Variants in PLEKHA6 observed in about 807,000 individuals in gnomAD.
The protein encoded by PLEKHA6 is pleckstrin homology domain-containing family A member 6.
In PLEKHA6, 60 loss-of-function variants were observed where a neutral mutation model predicts 116.7. The observed-to-expected ratio is 0.51, with a 90% confidence interval of 0.42 to 0.64. The LOEUF (loss-of-function observed/expected upper bound fraction) is 0.64. PLEKHA6 is among the 30% of genes least tolerant of loss of function. The pLI is 0.00. For missense variants in PLEKHA6, 1,338 were observed against 1,422.7 expected, an observed-to-expected ratio of 0.94 and a Z score of 0.96; for synonymous variants, 489 against 556.1, an observed-to-expected ratio of 0.88 and a Z score of 1.70.
At chr1:204,272,335 C>T (rs1326380009) in intron 3 of PLEKHA6, among the ~76,000 whole-genome samples, 1 of 152,166 alleles carries the variant, frequency 6.6e-6, no homozygotes, top group Non-Finnish European at 1.5e-5. Flanking sequence ...ACGTGACTTA[C>T]TGGCTGTCCT....
chr1:204,290,207 T>G (rs1438890295), intron 1 of PLEKHA6, among the ~76,000 whole-genome samples: 2 of 152,200 alleles, frequency 1.3e-5, no homozygotes, highest in Non-Finnish European at 2.9e-5. Context: ...ACATGGAAAT[T>G]CAAAGGATCC....
intron 9 of PLEKHA6, among the ~76,000 whole-genome samples, chr1:204,252,467 A>C (rs1296517813): frequency 1.3e-5 from 2 of 152,028 alleles, no homozygotes; most frequent in African/African-American, 4.8e-5. Flanking sequence ...ATATCAGGGA[A>C]TGTCTTTGGC....
chr1:204,275,318 T>A (rs181924192), intron 1 of PLEKHA6, among the ~76,000 whole-genome samples: 177 of 152,324 alleles, frequency 1.2e-3, no homozygotes, highest in Admixed American at 2.9e-3. Context: ...GCTCAAAAAA[T>A]TCCATTCTTG....
At chr1:204,328,213 G>C (rs1672316844) in intron 1 of PLEKHA6, among the ~76,000 whole-genome samples, 1 of 151,132 alleles carries the variant, frequency 6.6e-6, no homozygotes, top group South Asian at 2.1e-4. Context: ...CTCCTGAGTT[G>C]CTGGGATTAC....
chr1:204,248,155 C>T (rs1006319973), intron 12 of PLEKHA6, among the ~76,000 whole-genome samples: 12 of 95,232 alleles, frequency 1.3e-4, no homozygotes, highest in South Asian at 3.5e-4. Context: ...GGGCAGCAGC[C>T]TTTTTTTTTT....
At chr1:204,225,372 A>G (rs1453959150) in intron 21 of PLEKHA6, among the ~76,000 whole-genome samples, 1 of 152,252 alleles carries the variant, frequency 6.6e-6, no homozygotes, top group Non-Finnish European at 1.5e-5. Flanking sequence ...ATCCATCAAA[A>G]TAGTTAAGAT....
intron 1 of PLEKHA6, chr1:204,313,406 C>T: frequency 5.1e-6 from 1 of 197,024 alleles, no homozygotes; most frequent in Non-Finnish European, 9.2e-6. Flanking sequence ...GGATGCCTAC[C>T]TCCAGAAACA....
intron 17 of PLEKHA6, among the ~76,000 whole-genome samples, chr1:204,234,241 C>G (rs1031514842): frequency 6.6e-6 from 1 of 152,076 alleles, no homozygotes; most frequent in African/African-American, 2.4e-5. Context: ...CATCTACAAC[C>G]CAAGGAATGC....
chr1:204,241,700 C>T lies in PLEKHA6; in HGVS notation c.2287G>A (p.Ala763Thr), dbSNP rs1343536819. ...TRQEVEAEKQAALNKVGVVPP... is the reference protein window; with the variant it reads ...TRQEVEAEKQTALNKVGVVPP... ...CAGAAAGTACCTTTGTTGAGAGCTG[C>T]CTGCTTCTCTGCCTCTACCTCTTGC... The change falls in exon 16 of 23, where the codon GCA (alanine) becomes ACA (threonine). Residue 763 changes from alanine (A) to threonine (T), a missense_variant. By Grantham distance (58) the Ala-to-Thr change is moderately conservative. Transcript: ENST00000272203. The T allele has an allele frequency of 6.2e-7, 1 of 1,601,852 alleles. No individual in the cohort carries two copies. The highest frequency in any genetic ancestry group is 1.1e-5 in the South Asian group (1 of 88,562).
chr1:204,362,260 G>A (rs1673576717), upstream of PLEKHA6, among the ~76,000 whole-genome samples: 1 of 152,196 alleles, frequency 6.6e-6, no homozygotes, highest in African/African-American at 2.4e-5. Context: ...GCCCAGAAGA[G>A]GAGAAGCAAG....
At chr1:204,359,609 C>T (rs1253976822) in intron 1 of PLEKHA6, 85 bp downstream of exon 1, 177 of 985,366 alleles carry the variant, frequency 1.8e-4, no homozygotes, top group Non-Finnish European at 2.0e-4. Context: ...CAGGCTCACG[C>T]GGCAGACAGG....
chr1:204,335,365 G>C (rs907397496), intron 1 of PLEKHA6, among the ~76,000 whole-genome samples: 19 of 152,026 alleles, frequency 1.2e-4, no homozygotes, highest in African/African-American at 4.6e-4. Context: ...AGACAGCCAG[G>C]CTGGCTCCCT....
rs60251937 is a variant in PLEKHA6 at position 204,308,687 on chromosome 1, C to CTTTTTTTTTTTT, written c.-94-33890_-94-33879dup. Among the ~76,000 whole-genome samples, 307 of 81,404 alleles carry CTTTTTTTTTTTT rather than the reference C, an allele frequency of 3.8e-3. 19 individuals carry two copies. The highest frequency in any genetic ancestry group is 0.019 in the Middle Eastern group (1 of 52). 53.4% of individuals were successfully genotyped at this position (81,404 alleles called of 152,430 possible). A position where few individuals can be genotyped will look rare whatever the true frequency, so the allele number is the denominator to read the frequency against. The stretch of plus-strand genomic sequence containing the variant: ...CAAGAAGGTAATTCTTTTTCTTTTT[C>CTTTTTTTTTTTT]TTTTTTTTTTTTTTTTTTTTTGAGA... On this transcript the variant is annotated intron_variant, in intron 1 of 22. Transcript: ENST00000272203.
At chr1:204,263,692 C>T (rs967677173) in intron 6 of PLEKHA6, among the ~76,000 whole-genome samples, 2 of 152,008 alleles carry the variant, frequency 1.3e-5, no homozygotes, top group South Asian at 4.1e-4. Flanking sequence ...GTGTCTGTGT[C>T]TCTGCACAGG....
At chr1:204,225,972 C>T (rs913041456) in intron 21 of PLEKHA6, among the ~76,000 whole-genome samples, 6 of 152,230 alleles carry the variant, frequency 3.9e-5, no homozygotes, top group African/African-American at 1.4e-4. Context: ...GATTTGTAAG[C>T]ATAACAGCAT....
chr1:204,250,814 T>C (rs1383663424), intron 9 of PLEKHA6, among the ~76,000 whole-genome samples, 200 bp from the exon 10 acceptor site: 3 of 152,170 alleles, frequency 2.0e-5, no homozygotes, highest in African/African-American at 4.8e-5. Flanking sequence ...CCCATCCCAG[T>C]TGTCCTAGGC....
chr1:204,265,952 G>C (rs539693206), intron 5 of PLEKHA6, among the ~76,000 whole-genome samples: 2 of 152,302 alleles, frequency 1.3e-5, no homozygotes, highest in African/African-American at 4.8e-5. Flanking sequence ...AGTGCTCTGT[G>C]GGACAGTGGG....
chr1:204,248,155 CTTTTTT>C (rs34335278), intron 12 of PLEKHA6, among the ~76,000 whole-genome samples: 2 of 95,240 alleles, frequency 2.1e-5, no homozygotes, highest in East Asian at 6.8e-4. Flanking sequence ...GGGCAGCAGC[CTTTTTT>C]TTTTTTTTTT....
intron 1 of PLEKHA6, chr1:204,317,132 G>A (rs1375324707): frequency 8.6e-6 from 4 of 465,876 alleles, no homozygotes; most frequent in Non-Finnish European, 1.1e-5. Flanking sequence ...CAGCTCTTCT[G>A]AGCATAAAAT....
Sources: gnomAD v4.1 joint callset for allele counts (sites outside exome capture counted in the v4.1 genomes callset) on GRCh38, gnomAD v4.1.1 for gene constraint, MANE v1.5 for transcripts, NCBI Gene and HGNC (gene_info 2026-07-23, HGNC 2026-07-21) for gene names.